Variants in SEC31A observed in about 807,000 individuals in gnomAD.
The protein encoded by SEC31A is SEC31 homolog A, COPII component.
Under a neutral mutation model 151.0 loss-of-function variants are expected in SEC31A, and 70 were observed. That is an observed-to-expected ratio of 0.46 (90% CI 0.38 to 0.57). The LOEUF is 0.57. Ranked by LOEUF, SEC31A falls within the 20% of genes least tolerant of loss-of-function variation. The probability of loss-of-function intolerance (pLI) is 0.00; values close to 1 mark genes in which losing one functional copy is unlikely to be tolerated. For synonymous variants in SEC31A, 475 were observed against 505.9 expected (o/e 0.94, Z 0.82); for missense variants, 1,330 against 1,471.2 (o/e 0.90, Z 1.57).
rs1396289782 is a variant in SEC31A at position 82,834,308 on chromosome 4, AAAC to A, written c.2969-5253_2969-5251del. Among the ~76,000 whole-genome samples the A allele has an allele frequency of 3.3e-5, 5 of 152,316 alleles. No homozygotes were observed. The East Asian group carries it at 9.6e-4, about 29-fold the overall frequency. On this transcript the variant is annotated intron_variant, in intron 22 of 26. Coordinates refer to ENST00000395310, the MANE Select transcript of SEC31A (RefSeq NM_001077207.4). ...TGGGCTTGACCCTTTAGTCAGGTCA[AAAC>A]AACATGTCCTCTTCCCCTTCCTCAT...
rs186491558 is a variant in SEC31A, at chr4:82,853,765, T to C, written c.2009-50A>G. 9.8e-5 allele frequency: 142 copies of C among 1,448,102 alleles called. No individual in the cohort carries two copies. The African/African-American group carries it at 1.9e-3, about 19-fold the overall frequency. 89.7% of individuals were successfully genotyped at this position (1,448,102 alleles called of 1,614,324 possible). A position where few individuals can be genotyped will look rare whatever the true frequency, so the allele number is the denominator to read the frequency against. On this transcript the variant is annotated intron_variant, in intron 17 of 26. Transcript: ENST00000395310. ...AAGATTATACCCAAGGCAATCTGTA[T>C]ATGAGGCTGTGAGCAGCTAAATAAT...
At chr4:82,840,619 G>A (rs776785409) in intron 22 of SEC31A, among the ~76,000 whole-genome samples, 2 of 152,088 alleles carry the variant, frequency 1.3e-5, no homozygotes, top group African/African-American at 2.4e-5. Context: ...TTTCATCGTC[G>A]TGTGAACATC....
At chr4:82,844,553 C>G in intron 20 of SEC31A, 44 bp from the exon 21 acceptor site, 12 of 1,583,246 alleles carry the variant, frequency 7.6e-6, no homozygotes, top group Non-Finnish European at 1.0e-5. Flanking sequence ...CAAGTAGAAC[C>G]AGGAACTTCA....
intron 22 of SEC31A, among the ~76,000 whole-genome samples, chr4:82,830,686 T>A (rs957818348): frequency 6.6e-6 from 1 of 152,220 alleles, no homozygotes; most frequent in Non-Finnish European, 1.5e-5. Flanking sequence ...CTCAAGACAG[T>A]CTTGGCATAG....
intron 1 of SEC31A, chr4:82,890,648 G>A (rs1719492707): frequency 1.4e-6 from 1 of 721,158 alleles, no homozygotes; most frequent in Non-Finnish European, 1.7e-6. Flanking sequence ...TCAAACCTAT[G>A]AACCTTTAAA....
chr4:82,869,294 G>C (rs1229600542), intron 8 of SEC31A, among the ~76,000 whole-genome samples: 1 of 144,878 alleles, frequency 6.9e-6, no homozygotes, highest in Non-Finnish European at 1.5e-5. Context: ...TAATTTTTTT[G>C]TATTTTTTTT....
In SEC31A at chr4:82,862,579, T is replaced by C; in HGVS notation, c.1510-7A>G. 1 of 1,612,462 alleles carries C rather than the reference T, an allele frequency of 6.2e-7. No homozygotes were observed. Among genetic ancestry groups the C allele is most frequent in the Non-Finnish European group, 8.5e-7 (1 of 1,178,634 alleles). ...TGTTCAAGGCCAAAGCAATCTGAAATAAAAATAACAGCTCACCTACTACAT... is the reference window on the plus strand; with the variant it reads ...TGTTCAAGGCCAAAGCAATCTGAAACAAAAATAACAGCTCACCTACTACAT... On this transcript the variant is annotated splice_polypyrimidine_tract_variant and splice_region_variant and intron_variant, in intron 12 of 26. Coordinates refer to ENST00000395310, the MANE Select transcript of SEC31A (RefSeq NM_001077207.4).
intron 20 of SEC31A, among the ~76,000 whole-genome samples, chr4:82,846,026 G>C (rs1343746545): frequency 1.3e-5 from 2 of 151,968 alleles, no homozygotes; most frequent in African/African-American, 4.8e-5. Flanking sequence ...CCGAGACGGA[G>C]TGGAGTCTCA....
chr4:82,820,399 A>C (rs1371225833), intron 26 of SEC31A, among the ~76,000 whole-genome samples: 1 of 152,178 alleles, frequency 6.6e-6, no homozygotes, highest in African/African-American at 2.4e-5. Flanking sequence ...AATGGGTTAG[A>C]GGAATGCTGA....
chr4:82,896,638 A>G (rs1020429961), intron 3 of SEC31A, among the ~76,000 whole-genome samples: 3 of 152,198 alleles, frequency 2.0e-5, no homozygotes, highest in Admixed American at 6.5e-5. Flanking sequence ...ACACGCCTGC[A>G]GTTCCAGCTA....
exon 1 of SEC31A, chr4:82,900,360 C>G (rs1301729683): frequency 5.2e-6 from 1 of 194,032 alleles, no homozygotes; most frequent in African/African-American, 2.4e-5. Context: ...CCTCCAGTTT[C>G]AGAGACCGCA....
chr4:82,827,119 A>C (rs887180033), intron 24 of SEC31A, among the ~76,000 whole-genome samples: 4 of 152,224 alleles, frequency 2.6e-5, no homozygotes, highest in Non-Finnish European at 5.9e-5. Context: ...AATTGTAGCT[A>C]CTGACTAAGC....
intron 21 of SEC31A, chr4:82,844,107 C>T (rs574983855): frequency 7.7e-6 from 3 of 388,178 alleles, no homozygotes; most frequent in South Asian, 1.4e-4. Context: ...TTTCTTTATA[C>T]CAAAATCATG....
intron 26 of SEC31A, among the ~76,000 whole-genome samples, chr4:82,820,073 C>A (rs1273781526): frequency 6.6e-6 from 1 of 150,674 alleles, no homozygotes; most frequent in Non-Finnish European, 1.5e-5. Context: ...ATTTTGATCT[C>A]ATTTTTAAAA....
intron 1 of SEC31A, among the ~76,000 whole-genome samples, chr4:82,888,582 G>A (rs1317428448): frequency 6.6e-6 from 1 of 151,704 alleles, no homozygotes; most frequent in Admixed American, 6.6e-5. Context: ...CCCGCTACTC[G>A]GGAGACTGAG....
rs1316325766 is a variant in SEC31A at position 82,827,389 on chromosome 4, G to A, written c.3271C>T (p.Pro1091Ser). ...GTTACCTGGAAGGTATTTCCAATAGGAGCCCCTGGGGCACCTTCAATATTG... is the reference window on the plus strand; with the variant it reads ...GTTACCTGGAAGGTATTTCCAATAGAAGCCCCTGGGGCACCTTCAATATTG... The part of the protein sequence containing the change: ...KPNIEGAPGA[P>S]IGNTFQHVQS... The change falls in exon 24 of 27, where the codon CCT (proline) becomes TCT (serine). Residue 1091 changes from proline to serine, a missense_variant. Pro to Ser is a moderately conservative substitution (Grantham distance 74). Coordinates refer to ENST00000395310, the MANE Select transcript of SEC31A (RefSeq NM_001077207.4). 6.2e-7 allele frequency: 1 copy of A among 1,613,830 alleles called. No homozygotes were observed. Among genetic ancestry groups the A allele is most frequent in the African/African-American group, 1.3e-5 (1 of 74,902 alleles).
chr4:82,861,626 A>G lies in SEC31A; in HGVS notation c.1626+5T>C. The G allele has an allele frequency of 6.3e-7, 1 of 1,588,154 alleles. No homozygotes were observed. Among genetic ancestry groups the G allele is most frequent in the Non-Finnish European group, 8.6e-7 (1 of 1,162,018 alleles). Reference sequence around the variant, plus strand: ...TCCAATATAATATGAAAAAAAAATAAGTACCTCTCCCAAGAGCTGCTCTTC... The same window carrying G: ...TCCAATATAATATGAAAAAAAAATAGGTACCTCTCCCAAGAGCTGCTCTTC... On this transcript the variant is annotated splice_donor_5th_base_variant and intron_variant, in intron 14 of 26. Transcript: ENST00000395310.
At chr4:82,865,581 T>TATATAC (rs1553932978) in intron 10 of SEC31A, among the ~76,000 whole-genome samples, 14 of 96,498 alleles carry the variant, frequency 1.5e-4, no homozygotes, top group Non-Finnish European at 2.3e-4. Context: ...TATATATATA[T>TATATAC]ATACAATGCA....
At chr4:82,848,625 G>A (rs1279206498) in intron 20 of SEC31A, among the ~76,000 whole-genome samples, 179 bp downstream of exon 20, 1 of 152,118 alleles carries the variant, frequency 6.6e-6, no homozygotes, top group Non-Finnish European at 1.5e-5. Context: ...AAATGAGAGA[G>A]ATGATTTCAA....
Sources: gnomAD v4.1 joint callset for allele counts (sites outside exome capture counted in the v4.1 genomes callset) on GRCh38, gnomAD v4.1.1 for gene constraint, MANE v1.5 for transcripts, NCBI Gene and HGNC (gene_info 2026-07-23, HGNC 2026-07-21) for gene names.